Variants in SLC16A7 observed in about 807,000 individuals in gnomAD.
The protein encoded by SLC16A7 is solute carrier family 16 member 7, also known as monocarboxylate transporter 2.
In SLC16A7, 33 loss-of-function variants were observed where a neutral mutation model predicts 34.9. That is an observed-to-expected ratio of 0.94 (90% CI 0.72 to 1.26). SLC16A7 has a LOEUF of 1.26. SLC16A7 is among the 50% of genes most tolerant of loss of function. The probability of loss-of-function intolerance (pLI) is 0.00; values close to 1 mark genes in which losing one functional copy is unlikely to be tolerated. For missense variants in SLC16A7, 573 were observed against 578.1 expected (o/e 0.99, Z 0.09); for synonymous variants, 201 against 206.6 (o/e 0.97, Z 0.23).
chr12:59,695,090 A>T (rs532043487), intron 2 of SLC16A7, among the ~76,000 whole-genome samples: 1 of 150,856 alleles, frequency 6.6e-6, no homozygotes, highest in Non-Finnish European at 1.5e-5. Flanking sequence ...AATTATATTA[A>T]TTTTTTTTTC....
Position 59,730,376 on chromosome 12 carries a change from T to A in SLC16A7, c.217+25358T>A, listed in dbSNP as rs1876810512. Among the ~76,000 whole-genome samples the A allele has an allele frequency of 3.3e-5, 5 of 151,164 alleles. No individual in the cohort carries two copies. The South Asian group carries it at 1.0e-3, about 32-fold the overall frequency. Reference sequence around the variant, plus strand: ...AAAAAAAAAAAACAGACAACACACCTCCTAAAATGATGACCTACTGGAATT... The same window carrying A: ...AAAAAAAAAAAACAGACAACACACCACCTAAAATGATGACCTACTGGAATT... On this transcript the variant is annotated intron_variant, in intron 3 of 5. Coordinates refer to ENST00000547379, the MANE Select transcript of SLC16A7 (RefSeq NM_001270623.2).
chr12:59,643,254 T>G (rs552514445), intron 1 of SLC16A7, among the ~76,000 whole-genome samples: 1 of 152,258 alleles, frequency 6.6e-6, no homozygotes, highest in African/African-American at 2.4e-5. Flanking sequence ...ACTAATAACA[T>G]TTCTGACATT....
chr12:59,725,863 T>C, intron 3 of SLC16A7, among the ~76,000 whole-genome samples: 1 of 152,148 alleles, frequency 6.6e-6, no homozygotes, highest in African/African-American at 2.4e-5. Flanking sequence ...CTCCTACATG[T>C]TCTTATTATT....
chr12:59,726,567 TA>T (rs1489509027), intron 3 of SLC16A7, among the ~76,000 whole-genome samples: 7 of 152,176 alleles, frequency 4.6e-5, no homozygotes, highest in Non-Finnish European at 1.0e-4. Flanking sequence ...TCTAAAATCT[TA>T]TTAACCAGTT....
At position 59,775,087 on chromosome 12, in the gene SLC16A7, C is replaced by T. The variant is rs745840370; in HGVS notation, c.792C>T (p.Pro264=). ...NVIMFLGFFA[P]IIFLAPYAKD... ...TTATGTTCCTAGGTTTTTTTGCCCC[C>T]ATTATATTCTTGGCTCCATATGCTA... is the stretch of plus-strand genomic sequence containing the variant. The change falls in exon 5 of 6, where the codon CCC becomes CCT. Residue 264 remains proline, a synonymous_variant. Transcript: ENST00000547379. 7.4e-6 allele frequency: 12 copies of T among 1,613,924 alleles called. No individual in the cohort carries two copies. Among genetic ancestry groups the T allele is most frequent in the Non-Finnish European group, 8.5e-6 (10 of 1,179,946 alleles).
intron 3 of SLC16A7, among the ~76,000 whole-genome samples, chr12:59,741,116 C>T (rs1227116166): frequency 6.6e-6 from 1 of 152,008 alleles, no homozygotes. Flanking sequence ...GAATCAATAT[C>T]ATGAAAATGG....
intron 2 of SLC16A7, among the ~76,000 whole-genome samples, chr12:59,685,921 TATC>T (rs1395842462): frequency 1.3e-5 from 2 of 152,062 alleles, no homozygotes; most frequent in East Asian, 3.9e-4. Context: ...GAGGATCTCA[TATC>T]ATAACTTTTA....
intron 2 of SLC16A7, among the ~76,000 whole-genome samples, chr12:59,702,755 T>C (rs1693596): frequency 0.59 from 90,033 of 151,868 alleles, 27,385 homozygotes; most frequent in African/African-American, 0.74. Flanking sequence ...AAGAATACTA[T>C]GGATATGCAG....
intron 5 of SLC16A7, 80 bp downstream of exon 5, chr12:59,775,555 A>T: frequency 1.0e-6 from 1 of 994,208 alleles, no homozygotes; most frequent in South Asian, 1.6e-5. Context: ...CAGATGTTTA[A>T]ATGTGTTTTA....
intron 1 of SLC16A7, among the ~76,000 whole-genome samples, chr12:59,648,473 T>A (rs1868287585): frequency 6.6e-6 from 1 of 152,106 alleles, no homozygotes; most frequent in Non-Finnish European, 1.5e-5. Flanking sequence ...CATTTAAACC[T>A]TTTTTTTCTA....
intron 1 of SLC16A7, among the ~76,000 whole-genome samples, chr12:59,618,103 G>T (rs1879536633): frequency 6.6e-6 from 1 of 151,616 alleles, no homozygotes; most frequent in African/African-American, 2.4e-5. Context: ...AGTGAATATT[G>T]AAATCATTTC....
At chr12:59,641,326 G>A (rs1476930603) in intron 1 of SLC16A7, among the ~76,000 whole-genome samples, 2 of 151,998 alleles carry the variant, frequency 1.3e-5, no homozygotes, top group African/African-American at 2.4e-5. Context: ...GACATTGTGT[G>A]TTCATTTGCT....
chr12:59,609,778 T>C (rs1331541552), intron 1 of SLC16A7, among the ~76,000 whole-genome samples: 12 of 152,314 alleles, frequency 7.9e-5, no homozygotes, highest in Non-Finnish European at 1.0e-4. Flanking sequence ...GATAACCGCT[T>C]GTGGTCTATA....
At chr12:59,621,001 A>T (rs1422149867) in intron 1 of SLC16A7, among the ~76,000 whole-genome samples, 1 of 151,916 alleles carries the variant, frequency 6.6e-6, no homozygotes, top group Non-Finnish European at 1.5e-5. Context: ...AGAATATATA[A>T]TTAAACAGCC....
chr12:59,658,518 TGTGA>T (rs1401899476), intron 2 of SLC16A7, among the ~76,000 whole-genome samples: 3 of 152,196 alleles, frequency 2.0e-5, no homozygotes, highest in Admixed American at 6.6e-5. Context: ...AAATCACTGC[TGTGA>T]GTTAGTGGAA....
At chr12:59,647,718 G>A (rs1323383332) in intron 1 of SLC16A7, among the ~76,000 whole-genome samples, 6 of 152,130 alleles carry the variant, frequency 3.9e-5, no homozygotes, top group Admixed American at 3.3e-4. Flanking sequence ...GGGAGTTCAT[G>A]CCTGATCTGA....
chr12:59,623,326 T>C (rs764569832), intron 1 of SLC16A7, among the ~76,000 whole-genome samples: 24 of 151,684 alleles, frequency 1.6e-4, no homozygotes, highest in Non-Finnish European at 3.2e-4. Flanking sequence ...AAATAGAAAA[T>C]CATAATAATA....
chr12:59,643,983 A>G (rs1880795658), intron 1 of SLC16A7, among the ~76,000 whole-genome samples: 1 of 152,200 alleles, frequency 6.6e-6, no homozygotes, highest in Non-Finnish European at 1.5e-5. Context: ...ACCCTTTAAA[A>G]AAGCATTATC....
chr12:59,752,720 G>A (rs1187239500), intron 3 of SLC16A7, among the ~76,000 whole-genome samples: 1 of 152,114 alleles, frequency 6.6e-6, no homozygotes, highest in African/African-American at 2.4e-5. Context: ...ATCTAGCAAG[G>A]CAGGCCAACA....
Sources: gnomAD v4.1 joint callset for allele counts (sites outside exome capture counted in the v4.1 genomes callset) on GRCh38, gnomAD v4.1.1 for gene constraint, MANE v1.5 for transcripts, NCBI Gene and HGNC (gene_info 2026-07-23, HGNC 2026-07-21) for gene names.